Variants in AFF3 observed in about 807,000 individuals in gnomAD.
The protein encoded by AFF3 is AF4/FMR2 family member 3.
A neutral mutation model predicts 129.7 loss-of-function variants in AFF3; 32 were observed. The observed-to-expected ratio is 0.25, with a 90% CI of 0.19 to 0.33. The LOEUF (loss-of-function observed/expected upper bound fraction) is 0.33, where lower values mean the gene tolerates loss of function less well. Among genes scored for constraint, AFF3 ranks in the 10% least tolerant of loss-of-function variants. The probability of loss-of-function intolerance (pLI) is 1.00; values close to 1 mark genes in which losing one functional copy is unlikely to be tolerated. For synonymous variants in AFF3, 644 were observed against 635.4 expected (o/e 1.01, Z -0.20); for missense variants, 1,373 against 1,592.0 (o/e 0.86, Z 2.34).
At chr2:99,712,550 CA>C (rs1159878060) in intron 11 of AFF3, among the ~76,000 whole-genome samples, 1 of 152,188 alleles carries the variant, frequency 6.6e-6, no homozygotes, top group African/African-American at 2.4e-5. Context: ...GTTTTGTGAA[CA>C]GGGGCTGACA....
chr2:99,833,452 A>G (rs929103745), intron 8 of AFF3, among the ~76,000 whole-genome samples: 3 of 152,232 alleles, frequency 2.0e-5, no homozygotes, highest in African/African-American at 7.2e-5. Flanking sequence ...TTAGTGCTAA[A>G]GATGATGAGA....
chr2:99,855,883 G>A (rs1690488974), intron 7 of AFF3, among the ~76,000 whole-genome samples: 3 of 152,138 alleles, frequency 2.0e-5, no homozygotes, highest in African/African-American at 7.2e-5. Flanking sequence ...AAGTCATATT[G>A]ATAGTATGTA....
intron 7 of AFF3, among the ~76,000 whole-genome samples, chr2:99,887,398 C>A (rs1255909080): frequency 1.3e-5 from 2 of 152,168 alleles, no homozygotes; most frequent in Non-Finnish European, 2.9e-5. Flanking sequence ...AGACCCTTAG[C>A]CTTTTGTATA....
At chr2:99,925,951 T>C (rs945134565) in intron 7 of AFF3, among the ~76,000 whole-genome samples, 1 of 152,230 alleles carries the variant, frequency 6.6e-6, no homozygotes, top group Non-Finnish European at 1.5e-5. Flanking sequence ...TGTTGGGATA[T>C]AAGCTGATGT....
chr2:99,859,525 CA>C (rs1283944430), intron 7 of AFF3, among the ~76,000 whole-genome samples: 2 of 152,154 alleles, frequency 1.3e-5, no homozygotes, highest in Non-Finnish European at 2.9e-5. Flanking sequence ...GCTAACTAAC[CA>C]GATCCTAAGC....
chr2:99,643,311 G>C (rs1285349353), intron 13 of AFF3, among the ~76,000 whole-genome samples: 1 of 151,976 alleles, frequency 6.6e-6, no homozygotes, highest in African/African-American at 2.4e-5. Context: ...GCCCGCCTTG[G>C]CCTCCCAAAG....
chr2:100,007,062 C>G (rs768270962), intron 6 of AFF3, 45 bp from the exon 7 acceptor site: 75 of 1,587,280 alleles, frequency 4.7e-5, no homozygotes, highest in Middle Eastern at 1.7e-4. Context: ...TGAGGGGGGT[C>G]GACACATAGG....
intron 4 of AFF3, among the ~76,000 whole-genome samples, chr2:100,103,583 A>G (rs1559126576): frequency 6.6e-6 from 1 of 151,500 alleles, no homozygotes; most frequent in Admixed American, 6.6e-5. Context: ...GATTTTTAAG[A>G]CACCCGCAAC....
At chr2:99,832,757 T>C (rs959504388) in intron 8 of AFF3, among the ~76,000 whole-genome samples, 10 of 152,234 alleles carry the variant, frequency 6.6e-5, no homozygotes, top group African/African-American at 2.4e-4. Context: ...TCTCAGTGAA[T>C]TTCTCTAGCC....
intron 24 of AFF3, among the ~76,000 whole-genome samples, chr2:99,553,082 G>A (rs1261194962): frequency 2.0e-5 from 3 of 152,060 alleles, no homozygotes; most frequent in African/African-American, 4.8e-5. Flanking sequence ...GATTACAGGC[G>A]AGCACCACCA....
In AFF3 at chr2:99,872,207, C is replaced by CAAAAAAA. The variant is rs397871895; in HGVS notation, c.874-34690_874-34684dup. 1.5e-4 allele frequency among the ~76,000 whole-genome samples: 9 copies of CAAAAAAA among 61,780 alleles called. No homozygotes were observed. The South Asian group carries it at 6.4e-3, about 44-fold the overall frequency. The allele number at this position is 61,780 out of a possible 152,430, so 40.5% of individuals were successfully genotyped here. On this transcript the variant is annotated intron_variant, in intron 7 of 24. Transcript: ENST00000672756. Reference sequence around the variant, plus strand: ...TGGGCAACACAGCGAGACTCCATCTCAAAAAAAAAAAAAAAAAAAAAAAAA... The same window carrying CAAAAAAA: ...TGGGCAACACAGCGAGACTCCATCTCAAAAAAAAAAAAAAAAAAAAAAAAAAAAAAAA...
Position 99,565,454 on chromosome 2 carries a change from T to A in AFF3, c.3119+33A>T, listed in dbSNP as rs1458728497. ...AGTGCTTCCACACATTCCTCACTCC[T>A]CCCCTCATCCAGCAAGAAAACACGG... On this transcript the variant is annotated intron_variant, in intron 20 of 24. Coordinates refer to ENST00000672756, the MANE Select transcript of AFF3 (RefSeq NM_001386135.1). The A allele has an allele frequency of 3.7e-6, 6 of 1,606,818 alleles. No homozygotes were observed. In the African/African-American group the frequency reaches 6.7e-5, roughly 18 times the overall value.
intron 7 of AFF3, among the ~76,000 whole-genome samples, chr2:99,997,067 G>A (rs1327342809): frequency 2.6e-5 from 4 of 151,952 alleles, no homozygotes; most frequent in Non-Finnish European, 4.4e-5. Flanking sequence ...GTCAGCCCTC[G>A]TCACCTGCCC....
At chr2:99,725,509 T>C (rs1213200639) in intron 11 of AFF3, among the ~76,000 whole-genome samples, 3 of 152,166 alleles carry the variant, frequency 2.0e-5, no homozygotes, top group Non-Finnish European at 1.5e-5. Context: ...TTTGTATTTT[T>C]AGTAGAGACG....
chr2:100,132,241 C>T (rs995976126), intron 1 of AFF3, among the ~76,000 whole-genome samples: 5 of 152,102 alleles, frequency 3.3e-5, no homozygotes, highest in Non-Finnish European at 7.4e-5. Flanking sequence ...TTCCAAGTAT[C>T]CTCACAACAC....
intron 13 of AFF3, among the ~76,000 whole-genome samples, chr2:99,617,767 C>T (rs550549215): frequency 2.6e-4 from 39 of 152,264 alleles, no homozygotes; most frequent in African/African-American, 9.1e-4. Context: ...AAGGCATTTT[C>T]TTTTCAAGTC....
intron 7 of AFF3, among the ~76,000 whole-genome samples, chr2:99,950,560 G>T (rs13386537): frequency 6.6e-6 from 1 of 152,152 alleles, no homozygotes; most frequent in Non-Finnish European, 1.5e-5. Context: ...AAGATCATAT[G>T]ACTGAATGAA....
Position 99,593,816 on chromosome 2 carries a change from C to T in AFF3, c.1845G>A (p.Gly615=). The T allele has an allele frequency of 6.2e-7, 1 of 1,609,100 alleles. No individual in the cohort carries two copies. The highest frequency in any genetic ancestry group is 8.5e-7 in the Non-Finnish European group (1 of 1,178,496). Residue 615 remains glycine (G), a synonymous_variant, in exon 15 of 25, where the codon GGG becomes GGA. Coordinates refer to ENST00000672756, the MANE Select transcript of AFF3 (RefSeq NM_001386135.1). Reference sequence around the variant, plus strand: ...GCTCCGGGGGGACCACCACGCTCGTCCCCAGCGCGTCCGCGGCCGCGGGCT... The same window carrying T: ...GCTCCGGGGGGACCACCACGCTCGTTCCCAGCGCGTCCGCGGCCGCGGGCT... ...PEEPAAADAL[G]TSVVVPPEPT... is the part of the protein sequence containing the mutation.
chr2:99,641,749 C>G (rs1307345078), intron 13 of AFF3, among the ~76,000 whole-genome samples: 1 of 152,134 alleles, frequency 6.6e-6, no homozygotes, highest in African/African-American at 2.4e-5. Flanking sequence ...TTAAGGCCCT[C>G]ACATTGCATT....
Sources: allele counts gnomAD v4.1 joint callset (sites outside exome capture counted in the v4.1 genomes callset), GRCh38; gene constraint gnomAD v4.1.1; transcripts MANE v1.5; gene names NCBI Gene and HGNC (gene_info 2026-07-23, HGNC 2026-07-21).